ADGRD1: variants seen among roughly 807,000 people sequenced by gnomAD.
ADGRD1 encodes adhesion G protein-coupled receptor D1, also known as G-protein coupled receptor 133.
ADGRD1 carries 77 observed loss-of-function variants against 113.4 expected under a neutral mutation model. That is an observed-to-expected ratio of 0.68 (90% confidence interval 0.57 to 0.82). The LOEUF is 0.82. Ranked by LOEUF, ADGRD1 falls within the 40% of genes least tolerant of loss-of-function variation. The pLI is 0.00. For synonymous variants in ADGRD1, 474 were observed against 475.0 expected, an observed-to-expected ratio of 1.00 and a Z score of 0.03; for missense variants, 1,036 against 1,139.1, an observed-to-expected ratio of 0.91 and a Z score of 1.30.
chr12:131,016,238 C>G (rs1464717407), intron 13 of ADGRD1, among the ~76,000 whole-genome samples: 1 of 152,220 alleles, frequency 6.6e-6, no homozygotes, highest in Non-Finnish European at 1.5e-5. Flanking sequence ...ATCAGTAATC[C>G]CTTAAATGGC....
intron 13 of ADGRD1, chr12:131,070,652 CG>C: frequency 2.9e-6 from 1 of 343,910 alleles, no homozygotes; most frequent in South Asian, 2.1e-5. Context: ...GAGCCAGGTG[CG>C]CAGTGAGCAG....
chr12:130,979,104 G>A (rs141596031), intron 4 of ADGRD1, among the ~76,000 whole-genome samples: 2,268 of 152,326 alleles, frequency 0.015, 24 homozygotes, highest in Admixed American at 0.03. Flanking sequence ...GGACACCAGC[G>A]TCAGCTGCCC....
chr12:131,019,070 T>G (rs1195912), intron 13 of ADGRD1, among the ~76,000 whole-genome samples: 84,515 of 152,128 alleles, frequency 0.56, 24,789 homozygotes, highest in East Asian at 0.78. Context: ...CACAGACGCC[T>G]CTGCAGGATT....
At chr12:131,090,246 T>C (rs998909108) in intron 15 of ADGRD1, among the ~76,000 whole-genome samples, 1 of 152,162 alleles carries the variant, frequency 6.6e-6, no homozygotes, top group Non-Finnish European at 1.5e-5. Context: ...CTCATCAACA[T>C]TAAAAAAAGT....
At position 131,118,299 on chromosome 12, in the gene ADGRD1, G is replaced by T. The variant is rs575552703; in HGVS notation, c.2042-86G>T. ...TACATGTATGAGGTGTACAAGGAAT[G>T]AAGAAAGGAAGGGAGGGATGGGGGA... On this transcript the variant is annotated intron_variant, in intron 18 of 24. Coordinates refer to ENST00000261654, the MANE Select transcript of ADGRD1 (RefSeq NM_198827.5). 56 of 898,496 alleles carry T rather than the reference G, an allele frequency of 6.2e-5. No individual in the cohort carries two copies. In the African/African-American group the frequency reaches 9.3e-4, roughly 15 times the overall value. 55.7% of individuals were successfully genotyped at this position (898,496 alleles called of 1,614,324 possible).
intron 13 of ADGRD1, chr12:131,069,197 G>A (rs1010785240): frequency 1.3e-5 from 2 of 152,214 alleles, no homozygotes; most frequent in African/African-American, 2.4e-5. Flanking sequence ...CATGCACTAC[G>A]AGTCCATGAT....
At chr12:131,098,716 G>T (rs1950001132) in intron 15 of ADGRD1, among the ~76,000 whole-genome samples, 1 of 152,212 alleles carries the variant, frequency 6.6e-6, no homozygotes, top group Non-Finnish European at 1.5e-5. Context: ...CACCGCCCCT[G>T]TGTGTTTCCA....
chr12:131,126,756 T>C (rs559247159), intron 20 of ADGRD1, among the ~76,000 whole-genome samples: 22 of 152,188 alleles, frequency 1.4e-4, no homozygotes, highest in Non-Finnish European at 2.6e-4. Flanking sequence ...CTGTGAGTTG[T>C]TTCTTTGACA....
intron 13 of ADGRD1, among the ~76,000 whole-genome samples, chr12:131,032,037 C>G (rs1178406868): frequency 6.6e-6 from 1 of 152,156 alleles, no homozygotes. Flanking sequence ...GCCGCTGTGC[C>G]CCACAGATAG....
chr12:131,046,547 C>G (rs1392726475), intron 13 of ADGRD1, among the ~76,000 whole-genome samples: 1 of 122,558 alleles, frequency 8.2e-6, no homozygotes, highest in Non-Finnish European at 1.7e-5. Context: ...ATCAGTGCCC[C>G]CTCCCTGGCC....
In ADGRD1 at chr12:131,026,989, A is replaced by G. The variant is rs146992420; in HGVS notation, c.1473+12649A>G. ...TTCAGAACCATATTTGAGGGAGATGAAAGCAGGCGGGTGGCTTCTCTTGGA... is the reference window on the plus strand; with the variant it reads ...TTCAGAACCATATTTGAGGGAGATGGAAGCAGGCGGGTGGCTTCTCTTGGA... On this transcript the variant is annotated intron_variant, in intron 13 of 24. Transcript: ENST00000261654. The G allele has an allele frequency of 3.3e-5, 5 of 152,354 alleles. No homozygotes were observed. In the East Asian group the frequency reaches 9.6e-4, roughly 29 times the overall value. 9.4% of individuals were successfully genotyped at this position (152,354 alleles called of 1,614,324 possible).
chr12:131,101,519 CT>C (rs1950087354), intron 15 of ADGRD1, among the ~76,000 whole-genome samples: 1 of 150,878 alleles, frequency 6.6e-6, no homozygotes, highest in East Asian at 2.0e-4. Context: ...TCCTGAGTAG[CT>C]GGGATTACAG....
intron 13 of ADGRD1, among the ~76,000 whole-genome samples, chr12:131,046,879 G>A (rs201532528): frequency 1.1e-3 from 134 of 127,612 alleles, no homozygotes; most frequent in East Asian, 3.5e-3. Flanking sequence ...TCCCTGGTCA[G>A]TGCTCCCTCC....
At chr12:131,109,647 C>G (rs993329714) in intron 18 of ADGRD1, among the ~76,000 whole-genome samples, 4 of 152,006 alleles carry the variant, frequency 2.6e-5, no homozygotes, top group African/African-American at 9.7e-5. Flanking sequence ...TGTTTTATGC[C>G]TTAGTAAGTA....
intron 15 of ADGRD1, among the ~76,000 whole-genome samples, chr12:131,087,735 C>T (rs75818375): frequency 6.7e-6 from 1 of 149,392 alleles, no homozygotes; most frequent in East Asian, 2.0e-4. Flanking sequence ...ACGCCCCCCC[C>T]ATGCCTTCCC....
At chr12:131,108,384 G>T (rs961780250) in intron 17 of ADGRD1, among the ~76,000 whole-genome samples, 17 of 152,110 alleles carry the variant, frequency 1.1e-4, no homozygotes, top group Non-Finnish European at 2.1e-4. Context: ...CTTAGCCCCA[G>T]AATCCACCCT....
chr12:131,008,671 T>C (rs1018843799), intron 12 of ADGRD1, among the ~76,000 whole-genome samples: 1 of 152,164 alleles, frequency 6.6e-6, no homozygotes, highest in African/African-American at 2.4e-5. Context: ...TGAGTCTCAC[T>C]CGCTGCCTGG....
chr12:131,129,172 G>A (rs1239849667), intron 20 of ADGRD1, among the ~76,000 whole-genome samples: 70 of 121,718 alleles, frequency 5.8e-4, no homozygotes, highest in African/African-American at 1.8e-3. Context: ...GAGTGTGAGT[G>A]ACAGGCCCGC....
At chr12:130,979,572 A>T (rs1462182692) in intron 4 of ADGRD1, among the ~76,000 whole-genome samples, 1 of 152,172 alleles carries the variant, frequency 6.6e-6, no homozygotes, top group Non-Finnish European at 1.5e-5. Flanking sequence ...CCTCATGTGA[A>T]GGTAAGGTCT....
Sources: gnomAD v4.1 joint callset for allele counts (sites outside exome capture counted in the v4.1 genomes callset) on GRCh38, gnomAD v4.1.1 for gene constraint, MANE v1.5 for transcripts, NCBI Gene and HGNC (gene_info 2026-07-23, HGNC 2026-07-21) for gene names.